Variants in CHST12 observed in about 807,000 individuals in gnomAD.
CHST12 encodes carbohydrate (chondroitin 4) sulfotransferase 12.
In CHST12, 23 loss-of-function variants were observed where a neutral mutation model predicts 27.9. The ratio of observed to expected loss-of-function variants is 0.82; its 90% CI spans 0.59 to 1.17. The LOEUF is 1.17. Among genes scored for constraint, CHST12 ranks in the 50% most tolerant of loss-of-function variants. CHST12 has a pLI of 0.00. For synonymous variants in CHST12, 322 were observed against 273.0 expected, an observed-to-expected ratio of 1.18 and a Z score of -1.77; for missense variants, 682 against 603.0, an observed-to-expected ratio of 1.13 and a Z score of -1.37.
chr7:2,407,037 T>TA (rs752422764), intron 1 of CHST12, among the ~76,000 whole-genome samples: 3,819 of 143,052 alleles, frequency 0.027, 49 homozygotes, highest in African/African-American at 0.033. Flanking sequence ...CTCTCGGATG[T>TA]AAAAAAAAAA....
rs79743047 is a variant in CHST12 at position 2,411,490 on chromosome 7, CT to C, written c.-78+7835del. On this transcript the variant is annotated intron_variant, in intron 1 of 1. Transcript: ENST00000618655. ...ATAATTTCTTTGAGTTAACTTAACT[CT>C]TTTTTTTTTTTTTTTTTGAGACGGA... 1.3e-3 allele frequency among the ~76,000 whole-genome samples: 110 copies of C among 87,544 alleles called. 1 individual carries two copies. Among genetic ancestry groups the C allele is most frequent in the African/African-American group, 4.4e-3 (93 of 21,020 alleles). 57.4% of individuals were successfully genotyped at this position (87,544 alleles called of 152,430 possible). A position where few individuals can be genotyped will look rare whatever the true frequency, so the allele number is the denominator to read the frequency against.
rs1782686051 is a variant in CHST12 at position 2,444,099 on chromosome 7, A to G, written c.*10215A>G. 6.6e-6 allele frequency: 1 copy of G among 151,358 alleles called. No homozygotes were observed. Among genetic ancestry groups the G allele is most frequent in the South Asian group, 2.1e-4 (1 of 4,760 alleles). The allele number at this position is 151,358 out of a possible 1,614,324, so 9.4% of individuals were successfully genotyped here. A position where few individuals can be genotyped will look rare whatever the true frequency, so the allele number is the denominator to read the frequency against. On this transcript the variant is annotated 3_prime_UTR_variant, in exon 2 of 2. Transcript: ENST00000618655. ...GGAGATCGAGACCATCCCGGCTAAA[A>G]CGGTGAAACCCCGTCTCTACTAAAA...
chr7:2,432,916 G>C lies in CHST12; in HGVS notation c.277G>C (p.Ala93Pro). 6.2e-7 allele frequency: 1 copy of C among 1,613,074 alleles called. No homozygotes were observed. The highest frequency in any genetic ancestry group is 8.5e-7 in the Non-Finnish European group (1 of 1,179,806). Residue 93 changes from alanine to proline, a missense_variant, in exon 2 of 2, where the codon GCG becomes CCG. Coordinates refer to ENST00000618655, the MANE Select transcript of CHST12 (RefSeq NM_018641.5). ...LPRKETEQPPAPGSMEESVRG... is the reference protein window; with the variant it reads ...LPRKETEQPPPPGSMEESVRG... ...CAGAAAGGAGACGGAGCAGCCGCCT[G>C]CGCCGGGGAGCATGGAGGAGAGCGT...
intron 1 of CHST12, among the ~76,000 whole-genome samples, chr7:2,411,659 T>C (rs530731059): frequency 3.3e-5 from 5 of 152,138 alleles, no homozygotes; most frequent in African/African-American, 9.6e-5. Context: ...CCAGCTACTT[T>C]TTGTATTTAG....
Position 2,440,345 on chromosome 7 carries a change from G to C in CHST12, c.*6461G>C, listed in dbSNP as rs1356633524. The C allele has an allele frequency of 6.5e-6, 1 of 154,442 alleles. No individual in the cohort carries two copies. The highest frequency in any genetic ancestry group is 1.5e-5 in the Non-Finnish European group (1 of 68,290). The allele number at this position is 154,442 out of a possible 1,614,324, so 9.6% of individuals were successfully genotyped here. A position where few individuals can be genotyped will look rare whatever the true frequency, so the allele number is the denominator to read the frequency against. ...AAGCTGGCGGGGTGTGTGTGTGCAG[G>C]TGTGCGAGTGCATGTGCAAGTGTGC... On this transcript the variant is annotated 3_prime_UTR_variant, in exon 2 of 2. Transcript: ENST00000618655.
rs754020723 is a variant in CHST12 at position 2,438,427 on chromosome 7, A to G, written c.*4543A>G. On this transcript the variant is annotated 3_prime_UTR_variant, in exon 2 of 2. Transcript: ENST00000618655. ...AGAGAGCTGGGGACGCTCTGTTCTC[A>G]TTGGCAGCCCCACCCTGAAGAATAA... 5.3e-5 allele frequency: 8 copies of G among 152,174 alleles called. No individual in the cohort carries two copies. Among genetic ancestry groups the G allele is most frequent in the Middle Eastern group, 3.2e-3 (1 of 316 alleles). The allele number at this position is 152,174 out of a possible 1,614,324, so 9.4% of individuals were successfully genotyped here.
chr7:2,420,037 G>A (rs1382502708), intron 1 of CHST12, among the ~76,000 whole-genome samples: 2 of 128,948 alleles, frequency 1.6e-5, no homozygotes, highest in African/African-American at 5.8e-5. Flanking sequence ...GCAGTGGCAC[G>A]ATCTCACCTC....
chr7:2,410,023 G>T (rs1391085968), intron 1 of CHST12, among the ~76,000 whole-genome samples: 4 of 151,996 alleles, frequency 2.6e-5, no homozygotes, highest in Non-Finnish European at 5.9e-5. Flanking sequence ...TCTCATTGCA[G>T]CCTCTGTTTC....
At chr7:2,407,794 G>A (rs1256748257) in intron 1 of CHST12, among the ~76,000 whole-genome samples, 1 of 152,058 alleles carries the variant, frequency 6.6e-6, no homozygotes, top group Non-Finnish European at 1.5e-5. Context: ...GCCAAGCATG[G>A]TGGTGGGTGC....
chr7:2,443,412 G>GT lies in CHST12; in HGVS notation c.*9531dup, dbSNP rs1782668656. The GT allele has an allele frequency of 6.6e-6, 1 of 152,050 alleles. No homozygotes were observed. Among genetic ancestry groups the GT allele is most frequent in the Non-Finnish European group, 1.5e-5 (1 of 68,022 alleles). 9.4% of individuals were successfully genotyped at this position (152,050 alleles called of 1,614,324 possible). A position where few individuals can be genotyped will look rare whatever the true frequency, so the allele number is the denominator to read the frequency against. On this transcript the variant is annotated 3_prime_UTR_variant, in exon 2 of 2. Transcript: ENST00000618655. Reference sequence around the variant, plus strand: ...ACCGTGCTCAGCCTGAAGTGAAACAGTTTCATCCCAAAAGCATATACCTCT... The same window carrying GT: ...ACCGTGCTCAGCCTGAAGTGAAACAGTTTTCATCCCAAAAGCATATACCTCT...
intron 1 of CHST12, among the ~76,000 whole-genome samples, chr7:2,429,478 G>A (rs1211453345): frequency 6.6e-6 from 1 of 152,154 alleles, no homozygotes; most frequent in Non-Finnish European, 1.5e-5. Flanking sequence ...AATTGATGTT[G>A]TTATTCTTTG....
At chr7:2,415,597 T>C (rs1188950284) in intron 1 of CHST12, among the ~76,000 whole-genome samples, 1 of 151,520 alleles carries the variant, frequency 6.6e-6, no homozygotes, top group African/African-American at 2.4e-5. Context: ...GGAGTGGCTA[T>C]GGCAATTTCT....
intron 1 of CHST12, among the ~76,000 whole-genome samples, chr7:2,430,518 A>C (rs939841668): frequency 6.6e-6 from 1 of 152,048 alleles, no homozygotes; most frequent in African/African-American, 2.4e-5. Context: ...GGGTTTCACC[A>C]TGTTGGCCAG....
At chr7:2,419,244 A>C (rs1781896991) in intron 1 of CHST12, among the ~76,000 whole-genome samples, 2 of 152,104 alleles carry the variant, frequency 1.3e-5, no homozygotes, top group African/African-American at 4.8e-5. Flanking sequence ...CCCCATCTCT[A>C]CTAAAAATAC....
At chr7:2,423,405 T>C (rs970343202) in intron 1 of CHST12, among the ~76,000 whole-genome samples, 2 of 151,870 alleles carry the variant, frequency 1.3e-5, no homozygotes, top group Non-Finnish European at 2.9e-5. Flanking sequence ...GGAGGGCAGG[T>C]GAGGAATGCG....
intron 1 of CHST12, among the ~76,000 whole-genome samples, chr7:2,412,002 T>G (rs944053248): frequency 1.3e-5 from 2 of 152,324 alleles, no homozygotes; most frequent in Middle Eastern, 3.4e-3. Context: ...ACAGAGGGCT[T>G]AGAGACGGGA....
rs892820453 is a variant in CHST12 at position 2,445,616 on chromosome 7, G to C, written c.*11732G>C. 18 of 152,382 alleles carry C rather than the reference G, an allele frequency of 1.2e-4. No individual in the cohort carries two copies. Among genetic ancestry groups the C allele is most frequent in the African/African-American group, 4.1e-4 (17 of 41,552 alleles). The allele number at this position is 152,382 out of a possible 1,614,324, so 9.4% of individuals were successfully genotyped here. Reference sequence around the variant, plus strand: ...CAGCTAATTTTTTGTATTTTTAGTAGAGATGGGGTTTTCCCATGTTGGCCA... The same window carrying C: ...CAGCTAATTTTTTGTATTTTTAGTACAGATGGGGTTTTCCCATGTTGGCCA... On this transcript the variant is annotated 3_prime_UTR_variant, in exon 2 of 2. Coordinates refer to ENST00000618655, the MANE Select transcript of CHST12 (RefSeq NM_018641.5).
At chr7:2,417,387 C>CTTTTTTTTT (rs769115925) in intron 1 of CHST12, among the ~76,000 whole-genome samples, 2 of 129,682 alleles carry the variant, frequency 1.5e-5, no homozygotes, top group African/African-American at 5.8e-5. Context: ...CCATGTCTGA[C>CTTTTTTTTT]TTTTTTTTTT....
Position 2,433,342 on chromosome 7 carries a change from C to G in CHST12, c.703C>G (p.Leu235Val), listed in dbSNP as rs200915536. 161 of 1,612,574 alleles carry G rather than the reference C, an allele frequency of 1.0e-4. 1 individual carries two copies. In the East Asian group the frequency reaches 3.4e-3, roughly 34 times the overall value. The change falls in exon 2 of 2, where the codon CTC (leucine) becomes GTC (valine). Residue 235 changes from leucine (L) to valine (V), a missense_variant. Leu to Val is a conservative substitution (Grantham distance 32). Transcript: ENST00000618655. This position sits in a 1 kb window ranked among gnomAD's most constrained non-coding sequence, Gnocchi z 6.1. ...CTCCCGCCACCTCATGAAGGTCAAGCTCAAGAAGTACACCAAGTTCCTCTT... is the reference window on the plus strand; with the variant it reads ...CTCCCGCCACCTCATGAAGGTCAAGGTCAAGAAGTACACCAAGTTCCTCTT... ...KLSRHLMKVK[L>V]KKYTKFLFVR...
Sources: allele counts gnomAD v4.1 joint callset (sites outside exome capture counted in the v4.1 genomes callset), GRCh38; gene constraint gnomAD v4.1.1; non-coding constraint Gnocchi (gnomAD v3.1); transcripts MANE v1.5; gene names NCBI Gene and HGNC (gene_info 2026-07-23, HGNC 2026-07-21).